LYPLA1: variants seen among roughly 807,000 people sequenced by gnomAD.
LYPLA1 encodes the protein lysophospholipase 1, also known as acyl-protein thioesterase 1.
A neutral mutation model predicts 34.0 loss-of-function variants in LYPLA1; 17 were observed. The observed-to-expected ratio is 0.50, with a 90% CI of 0.34 to 0.75. The LOEUF (loss-of-function observed/expected upper bound fraction) is 0.75, where lower values mean the gene tolerates loss of function less well. LYPLA1 is among the 30% of genes least tolerant of loss of function. The pLI is 0.01. For missense variants in LYPLA1, 203 were observed against 288.8 expected (o/e 0.70, Z 2.15); for synonymous variants, 98 against 100.8 (o/e 0.97, Z 0.17).
intron 2 of LYPLA1, among the ~76,000 whole-genome samples, chr8:54,070,348 T>G (rs1018622729): frequency 2.0e-5 from 3 of 151,896 alleles, no homozygotes; most frequent in African/African-American, 7.2e-5. Flanking sequence ...AACAAAAAAC[T>G]TGTACACAAA....
At chr8:54,065,890 T>TA in intron 2 of LYPLA1, 77 bp from the exon 3 acceptor site, 2 of 921,292 alleles carry the variant, frequency 2.2e-6, no homozygotes, top group Non-Finnish European at 3.5e-6. Flanking sequence ...AGAGTAGCTT[T>TA]AAAAAATTGT....
At chr8:54,056,311 T>G (rs945513813) in intron 5 of LYPLA1, among the ~76,000 whole-genome samples, 5 of 152,106 alleles carry the variant, frequency 3.3e-5, no homozygotes, top group African/African-American at 1.2e-4. Context: ...CAATAAACAC[T>G]TAAATCTAAG....
chr8:54,100,739 G>A, intron 2 of LYPLA1, 169 bp downstream of exon 2: 1 of 622,510 alleles, frequency 1.6e-6, no homozygotes, highest in South Asian at 1.9e-5. Context: ...ATGATAAGGG[G>A]AAAATTCTGA....
chr8:54,048,346 G>A (rs376447252), intron 8 of LYPLA1, among the ~76,000 whole-genome samples: 2 of 152,088 alleles, frequency 1.3e-5, no homozygotes, highest in East Asian at 3.8e-4. Context: ...ATCTAGTTCT[G>A]CATCTTCCTA....
chr8:54,101,923 C>A lies in LYPLA1; in HGVS notation c.-100G>T, dbSNP rs1810201180. On this transcript the variant is annotated 5_prime_UTR_variant, in exon 1 of 9. Coordinates refer to ENST00000316963, the MANE Select transcript of LYPLA1 (RefSeq NM_006330.4). Reference sequence around the variant, plus strand: ...GAGTCCCGGCCGGCCCCACCGGGCGCACGCTCAGGCGCGTGCGCGCCAACG... The same window carrying A: ...GAGTCCCGGCCGGCCCCACCGGGCGAACGCTCAGGCGCGTGCGCGCCAACG... 1 of 605,354 alleles carries A rather than the reference C, an allele frequency of 1.7e-6. No homozygotes were observed. Among genetic ancestry groups the A allele is most frequent in the Admixed American group, 5.5e-5 (1 of 18,318 alleles). 37.5% of individuals were successfully genotyped at this position (605,354 alleles called of 1,614,324 possible).
chr8:54,067,388 T>C (rs1451329849), intron 2 of LYPLA1, among the ~76,000 whole-genome samples: 1 of 152,144 alleles, frequency 6.6e-6, no homozygotes, highest in Non-Finnish European at 1.5e-5. Flanking sequence ...TCTTCATGCG[T>C]ACATGTTCAC....
chr8:54,079,846 T>A (rs1349702403), intron 2 of LYPLA1, among the ~76,000 whole-genome samples: 2 of 152,110 alleles, frequency 1.3e-5, no homozygotes, highest in Non-Finnish European at 2.9e-5. Context: ...CTGTCTGTTA[T>A]CTCTGCAAAA....
intron 8 of LYPLA1, among the ~76,000 whole-genome samples, chr8:54,049,542 G>A (rs1805701468): frequency 6.6e-6 from 1 of 152,088 alleles, no homozygotes; most frequent in Non-Finnish European, 1.5e-5. Flanking sequence ...GGAACCACAG[G>A]TGCCCGCCAC....
rs534521456 is a variant in LYPLA1, at chr8:54,080,615, CCTCT to C, written c.102-14806_102-14803del. 2.6e-3 allele frequency among the ~76,000 whole-genome samples: 403 copies of C among 152,132 alleles called. 3 individuals carry two copies. The highest frequency in any genetic ancestry group is 8.9e-3 in the African/African-American group (370 of 41,520). On this transcript the variant is annotated intron_variant, in intron 2 of 8. Coordinates refer to ENST00000316963, the MANE Select transcript of LYPLA1 (RefSeq NM_006330.4). ...ATTTATTACGTTTCTTGAGATGGAGCCTCTCTCTGTTGCCCAGGCTGGAGTGCAG... is the reference window on the plus strand; with the variant it reads ...ATTTATTACGTTTCTTGAGATGGAGCCTCTGTTGCCCAGGCTGGAGTGCAG...
intron 2 of LYPLA1, among the ~76,000 whole-genome samples, chr8:54,070,004 G>C (rs1204977383): frequency 6.6e-6 from 1 of 152,216 alleles, no homozygotes. Context: ...AAGTGTTAAA[G>C]GGTATGGTGA....
chr8:54,100,727 C>A, intron 2 of LYPLA1, 181 bp downstream of exon 2: 1 of 604,090 alleles, frequency 1.7e-6, no homozygotes, highest in Non-Finnish European at 3.0e-6. Flanking sequence ...AATAAACTCA[C>A]GATGATAAGG....
At chr8:54,046,013 A>G (rs888376299), downstream of LYPLA1, among the ~76,000 whole-genome samples, 3 of 152,176 alleles carry the variant, frequency 2.0e-5, no homozygotes, top group African/African-American at 7.2e-5. Flanking sequence ...GTGAGCCGAG[A>G]TCGCACCACT....
At chr8:54,048,989 GA>G (rs2129321062) in intron 8 of LYPLA1, among the ~76,000 whole-genome samples, 1 of 152,298 alleles carries the variant, frequency 6.6e-6, no homozygotes, top group African/African-American at 2.4e-5. Context: ...AGCCCATGAA[GA>G]AAACAGCTGC....
At chr8:54,084,324 A>AG (rs1232139864) in intron 2 of LYPLA1, among the ~76,000 whole-genome samples, 2 of 151,938 alleles carry the variant, frequency 1.3e-5, no homozygotes, top group East Asian at 3.9e-4. Context: ...TATTCCCAGC[A>AG]CTTTGGGAAG....
At chr8:54,069,644 A>G (rs1807322320) in intron 2 of LYPLA1, among the ~76,000 whole-genome samples, 1 of 151,758 alleles carries the variant, frequency 6.6e-6, no homozygotes. Context: ...TGGGAGGCAG[A>G]GATTGCAATG....
intron 2 of LYPLA1, chr8:54,073,465 T>C: frequency 2.6e-6 from 2 of 768,298 alleles, no homozygotes. Context: ...GATGGCCTTG[T>C]GATGTATGGC....
At chr8:54,101,294 G>A (rs1810123692) in intron 1 of LYPLA1, 10 of 1,045,786 alleles carry the variant, frequency 9.6e-6, no homozygotes, top group South Asian at 4.0e-5. Context: ...GCTTCCGGAG[G>A]CAAAAATAAG....
intron 2 of LYPLA1, among the ~76,000 whole-genome samples, chr8:54,092,754 G>C (rs1218454091): frequency 6.6e-6 from 1 of 152,146 alleles, no homozygotes; most frequent in Admixed American, 6.5e-5. Flanking sequence ...AGCCAAGGTG[G>C]ACAGACTGCT....
rs368514543 is a variant in LYPLA1, at chr8:54,085,193, G to T, written c.101+15715C>A. ...GGTTGAGACAGGGTTTCGCCGTGTT[G>T]GCCGGGCTGGTCTCCAGCTCCTGAC... On this transcript the variant is annotated intron_variant, in intron 2 of 8. Coordinates refer to ENST00000316963, the MANE Select transcript of LYPLA1 (RefSeq NM_006330.4). 1.3e-4 allele frequency among the ~76,000 whole-genome samples: 20 copies of T among 152,366 alleles called. No individual in the cohort carries two copies. In the East Asian group the frequency reaches 3.3e-3, roughly 25 times the overall value.
Sources: gnomAD v4.1 joint callset for allele counts (sites outside exome capture counted in the v4.1 genomes callset) on GRCh38, gnomAD v4.1.1 for gene constraint, MANE v1.5 for transcripts, NCBI Gene and HGNC (gene_info 2026-07-23, HGNC 2026-07-21) for gene names.